Variants in CHN1 observed in about 807,000 individuals in gnomAD.
CHN1 encodes the protein N-chimaerin.
A neutral mutation model predicts 59.5 loss-of-function variants in CHN1; 37 were observed. The ratio of observed to expected loss-of-function variants is 0.62; its 90% CI spans 0.48 to 0.82. The LOEUF (loss-of-function observed/expected upper bound fraction) is 0.82, where lower values mean the gene tolerates loss of function less well. CHN1 is among the 40% of genes least tolerant of loss of function. The pLI is 0.00. For missense variants in CHN1, 469 were observed against 571.0 expected, an observed-to-expected ratio of 0.82 and a Z score of 1.82; for synonymous variants, 206 against 200.4, an observed-to-expected ratio of 1.03 and a Z score of -0.24.
chr2:174,987,452 G>A (rs1482362595), intron 1 of CHN1, among the ~76,000 whole-genome samples: 1 of 149,742 alleles, frequency 6.7e-6, no homozygotes, highest in Non-Finnish European at 1.5e-5. Context: ...CTGTCACCCA[G>A]GCTGGAGTAC....
chr2:174,956,841 A>C (rs564282992), intron 1 of CHN1, among the ~76,000 whole-genome samples: 13 of 152,288 alleles, frequency 8.5e-5, no homozygotes, highest in African/African-American at 2.9e-4. Context: ...TAATGCAGCA[A>C]ATAGAGTCAT....
In CHN1 at chr2:174,922,457, A is replaced by G. The variant is rs138413841; in HGVS notation, c.115-3892T>C. 5.0e-3 allele frequency among the ~76,000 whole-genome samples: 762 copies of G among 152,324 alleles called. 6 individuals are homozygous for G. Among genetic ancestry groups the G allele is most frequent in the African/African-American group, 0.017 (726 of 41,574 alleles). ...TGTAATCCCAGCACTTTGAGAGACC[A>G]AGGTAGGAGAACTGCTTGAGGCCAT... On this transcript the variant is annotated intron_variant, in intron 3 of 12. Coordinates refer to ENST00000409900, the MANE Select transcript of CHN1 (RefSeq NM_001822.7).
intron 5 of CHN1, among the ~76,000 whole-genome samples, chr2:174,881,628 A>G (rs965391541): frequency 1.3e-5 from 2 of 152,360 alleles, no homozygotes; most frequent in Admixed American, 6.5e-5. Flanking sequence ...CACTAAAGTA[A>G]AACAGCAAAA....
intron 8 of CHN1, among the ~76,000 whole-genome samples, chr2:174,815,401 A>T (rs1193695963): frequency 1.3e-5 from 2 of 152,264 alleles, no homozygotes; most frequent in Non-Finnish European, 1.5e-5. Context: ...ATTAAAAAAT[A>T]CATATTTTCT....
intron 3 of CHN1, among the ~76,000 whole-genome samples, chr2:174,942,827 A>G (rs1236088064): frequency 6.6e-6 from 1 of 152,158 alleles, no homozygotes; most frequent in African/African-American, 2.4e-5. Flanking sequence ...CGGTGGGTGG[A>G]TCCCTTGAGC....
At chr2:174,919,680 T>C (rs141536426) in intron 3 of CHN1, among the ~76,000 whole-genome samples, 2 of 152,278 alleles carry the variant, frequency 1.3e-5, no homozygotes, top group South Asian at 4.2e-4. Context: ...GAATGTATTA[T>C]GGTATATGGC....
intron 1 of CHN1, among the ~76,000 whole-genome samples, chr2:174,984,432 G>A (rs954022151): frequency 6.8e-5 from 10 of 146,740 alleles, no homozygotes; most frequent in South Asian, 4.3e-4. Flanking sequence ...GCAGTGGCGC[G>A]ATCCTGGCTC....
intron 10 of CHN1, among the ~76,000 whole-genome samples, chr2:174,810,312 C>T (rs148229085): frequency 6.8e-4 from 104 of 152,268 alleles, no homozygotes; most frequent in Middle Eastern, 6.8e-3. Flanking sequence ...CCTTGGGAGG[C>T]CAAAGACTGG....
At chr2:174,949,361 G>T (rs1253641162) in intron 2 of CHN1, among the ~76,000 whole-genome samples, 1 of 152,038 alleles carries the variant, frequency 6.6e-6, no homozygotes, top group Admixed American at 6.5e-5. Flanking sequence ...ATGAGACAGG[G>T]TCTGGAGTTC....
chr2:174,834,297 A>G (rs1416484147), intron 7 of CHN1, among the ~76,000 whole-genome samples: 1 of 152,230 alleles, frequency 6.6e-6, no homozygotes, highest in African/African-American at 2.4e-5. Context: ...ACTATCTTTT[A>G]AAGATACTAA....
At chr2:174,808,228 C>G (rs562981730) in intron 11 of CHN1, among the ~76,000 whole-genome samples, 1 of 152,272 alleles carries the variant, frequency 6.6e-6, no homozygotes, top group Non-Finnish European at 1.5e-5. Context: ...ATATAGTAAT[C>G]TGATAGAAAT....
chr2:174,891,568 CAA>C (rs80048899), intron 5 of CHN1, among the ~76,000 whole-genome samples: 7 of 93,628 alleles, frequency 7.5e-5, no homozygotes, highest in Non-Finnish European at 8.7e-5. Context: ...GACTCCATCT[CAA>C]AAAAAAAAAA....
chr2:174,944,946 G>C lies in CHN1; in HGVS notation c.59-3C>G, dbSNP rs1689781879. On this transcript the variant is annotated splice_region_variant and splice_polypyrimidine_tract_variant and intron_variant, in intron 2 of 12. Transcript: ENST00000409900. ...GGCTTCCTGTTGTAGCTGATATACT[G>C]TGAGAAGGTAGAAACAAAAAGTGTC... 1 of 1,567,738 alleles carries C rather than the reference G, an allele frequency of 6.4e-7. No individual in the cohort carries two copies.
chr2:174,854,064 G>GA (rs1686826913), intron 6 of CHN1, among the ~76,000 whole-genome samples: 1 of 151,770 alleles, frequency 6.6e-6, no homozygotes, highest in South Asian at 2.1e-4. Flanking sequence ...AAAGTTGAGT[G>GA]AAAAAATAAA....
intron 11 of CHN1, among the ~76,000 whole-genome samples, chr2:174,806,321 T>C (rs1372681838): frequency 6.6e-6 from 1 of 152,222 alleles, no homozygotes; most frequent in Non-Finnish European, 1.5e-5. Context: ...CCAAGAAAGC[T>C]GCAAAAGCAG....
At chr2:174,801,670 T>G in intron 12 of CHN1, 37 bp downstream of exon 12, 1 of 1,429,858 alleles carries the variant, frequency 7.0e-7, no homozygotes, top group Admixed American at 1.8e-5. Context: ...AAAATTTGGA[T>G]GCAATACAAG....
intron 5 of CHN1, among the ~76,000 whole-genome samples, chr2:174,880,023 C>T (rs1419140617): frequency 2.0e-5 from 3 of 152,092 alleles, no homozygotes; most frequent in Non-Finnish European, 4.4e-5. Context: ...CTAATTCATC[C>T]AAGAAGAGGC....
At chr2:174,882,427 CAAAT>C (rs1458982590) in intron 5 of CHN1, among the ~76,000 whole-genome samples, 2 of 152,078 alleles carry the variant, frequency 1.3e-5, no homozygotes, top group South Asian at 2.1e-4. Flanking sequence ...TATTTTTCAG[CAAAT>C]AAATCATATC....
intron 7 of CHN1, among the ~76,000 whole-genome samples, chr2:174,845,524 T>C (rs938470118): frequency 1.3e-5 from 2 of 152,148 alleles, no homozygotes; most frequent in African/African-American, 4.8e-5. Flanking sequence ...ATGATACCTC[T>C]TTTCTATCCG....
Sources: allele counts gnomAD v4.1 joint callset (sites outside exome capture counted in the v4.1 genomes callset), GRCh38; gene constraint gnomAD v4.1.1; transcripts MANE v1.5; gene names NCBI Gene and HGNC (gene_info 2026-07-23, HGNC 2026-07-21).